Variants in CLNK observed in about 807,000 individuals in gnomAD.
CLNK encodes the protein cytokine dependent hematopoietic cell linker, also known as cytokine-dependent hematopoietic cell linker.
In CLNK, 74 loss-of-function variants were observed where a neutral mutation model predicts 68.6. That is an observed-to-expected ratio of 1.08 (90% confidence interval 0.89 to 1.31). The LOEUF is 1.31. CLNK is among the 50% of genes most tolerant of loss of function. The pLI, the probability that CLNK is intolerant of heterozygous loss-of-function variation, is 0.00. For synonymous variants in CLNK, 198 were observed against 172.2 expected (o/e 1.15, Z -1.17); for missense variants, 553 against 515.3 (o/e 1.07, Z -0.71).
At chr4:10,543,638 C>T (rs2108810314) in intron 8 of CLNK, among the ~76,000 whole-genome samples, 1 of 152,310 alleles carries the variant, frequency 6.6e-6, no homozygotes, top group East Asian at 1.9e-4. Flanking sequence ...GGTGAAAGGT[C>T]CAACTGGCAC....
intron 2 of CLNK, among the ~76,000 whole-genome samples, chr4:10,662,829 A>T (rs1355924568): frequency 6.6e-6 from 1 of 152,246 alleles, no homozygotes; most frequent in African/African-American, 2.4e-5. Flanking sequence ...TGTAATTTGT[A>T]TATTTTCTAA....
chr4:10,495,459 T>C (rs953571356), intron 18 of CLNK, among the ~76,000 whole-genome samples: 1 of 152,190 alleles, frequency 6.6e-6, no homozygotes, highest in Admixed American at 6.5e-5. Flanking sequence ...TTGACATGAC[T>C]CTTTCTGTGT....
chr4:10,678,918 C>T (rs138901756), intron 1 of CLNK, among the ~76,000 whole-genome samples: 2,147 of 152,190 alleles, frequency 0.014, 53 homozygotes, highest in African/African-American at 0.047. Flanking sequence ...GAATCAATAT[C>T]GTGAAAATGG....
At chr4:10,629,422 A>G (rs1205710998) in intron 2 of CLNK, among the ~76,000 whole-genome samples, 1 of 152,110 alleles carries the variant, frequency 6.6e-6, no homozygotes, top group Admixed American at 6.5e-5. Flanking sequence ...TTCCCAAGAC[A>G]TGCTGGCAGC....
intron 2 of CLNK, 86 bp downstream of exon 2, chr4:10,667,773 C>T: frequency 7.5e-7 from 1 of 1,325,256 alleles, no homozygotes; most frequent in South Asian, 1.5e-5. Flanking sequence ...ACATTGGCAT[C>T]ATTTCTCAGT....
At chr4:10,695,993 T>A in the CLNK span, among the ~76,000 whole-genome samples, 1 of 151,984 alleles carries the variant, frequency 6.6e-6, no homozygotes, top group Non-Finnish European at 1.5e-5. Context: ...GTAGCTGGGA[T>A]TACAGGTGCC....
intron 16 of CLNK, among the ~76,000 whole-genome samples, chr4:10,512,479 C>T (rs1717633291): frequency 6.6e-6 from 1 of 152,114 alleles, no homozygotes; most frequent in Non-Finnish European, 1.5e-5. Flanking sequence ...GACCTACCCA[C>T]CTTGGCCTCC....
At chr4:10,652,857 C>A (rs890410453) in intron 2 of CLNK, among the ~76,000 whole-genome samples, 2 of 152,030 alleles carry the variant, frequency 1.3e-5, no homozygotes, top group East Asian at 3.9e-4. Flanking sequence ...AAAAAATGCC[C>A]CTTATATCAT....
At chr4:10,565,684 C>T (rs1398931652) in intron 6 of CLNK, among the ~76,000 whole-genome samples, 1 of 152,106 alleles carries the variant, frequency 6.6e-6, no homozygotes, top group Non-Finnish European at 1.5e-5. Context: ...ATCATTGTTC[C>T]TAGGGCTCAA....
At chr4:10,649,204 A>G (rs1461723592) in intron 2 of CLNK, among the ~76,000 whole-genome samples, 2 of 152,194 alleles carry the variant, frequency 1.3e-5, no homozygotes, top group Non-Finnish European at 2.9e-5. Context: ...AAATAAAAAA[A>G]TTGAATTCCA....
chr4:10,571,221 G>C (rs1158576273), intron 5 of CLNK, among the ~76,000 whole-genome samples: 1 of 151,714 alleles, frequency 6.6e-6, no homozygotes, highest in Admixed American at 6.6e-5. Flanking sequence ...TTTTATAGCT[G>C]AGGAATTGGA....
chr4:10,635,394 C>G (rs923186430), intron 2 of CLNK, among the ~76,000 whole-genome samples: 1 of 152,154 alleles, frequency 6.6e-6, no homozygotes, highest in African/African-American at 2.4e-5. Context: ...CTGTCCACCT[C>G]TGACACTAAT....
At chr4:10,701,464 A>C in the CLNK span, among the ~76,000 whole-genome samples, 2 of 152,128 alleles carry the variant, frequency 1.3e-5, no homozygotes. Context: ...CCTGTGCTAG[A>C]CTCTGGGAGG....
chr4:10,574,806 T>C (rs1478065826), intron 4 of CLNK, among the ~76,000 whole-genome samples: 2 of 152,228 alleles, frequency 1.3e-5, no homozygotes, highest in Admixed American at 6.5e-5. Flanking sequence ...CCAGACATTG[T>C]ATGGAAAAGC....
At chr4:10,657,763 G>T (rs1010069618) in intron 2 of CLNK, among the ~76,000 whole-genome samples, 2 of 152,194 alleles carry the variant, frequency 1.3e-5, no homozygotes, top group African/African-American at 4.8e-5. Flanking sequence ...TTTAAAAATT[G>T]TCAGCCAGAT....
chr4:10,621,835 C>T (rs1722472155), intron 2 of CLNK, among the ~76,000 whole-genome samples: 1 of 152,122 alleles, frequency 6.6e-6, no homozygotes, highest in African/African-American at 2.4e-5. Flanking sequence ...GACTCTGGGG[C>T]TCCACAGGTA....
chr4:10,671,383 T>C (rs1724630315), intron 1 of CLNK, among the ~76,000 whole-genome samples: 1 of 50,418 alleles, frequency 2.0e-5, no homozygotes, highest in South Asian at 7.2e-4. Context: ...TGAAACTCTA[T>C]CTAAAAAAAA....
At chr4:10,667,373 A>ATT (rs57765419) in intron 2 of CLNK, among the ~76,000 whole-genome samples, 24,788 of 140,748 alleles carry the variant, frequency 0.18, 2,485 homozygotes, top group Non-Finnish European at 0.23. Context: ...AGTCCTGCTA[A>ATT]TTTTTTTTTT....
At chr4:10,542,682 GTA>G (rs1195351938) in intron 8 of CLNK, among the ~76,000 whole-genome samples, 7,943 of 137,638 alleles carry the variant, frequency 0.058, 554 homozygotes, top group African/African-American at 0.17. Flanking sequence ...GTGTGTGTGT[GTA>G]TATATATATA....
Sources: gnomAD v4.1 joint callset for allele counts (sites outside exome capture counted in the v4.1 genomes callset) on GRCh38, gnomAD v4.1.1 for gene constraint, MANE v1.5 for transcripts, NCBI Gene and HGNC (gene_info 2026-07-23, HGNC 2026-07-21) for gene names.